Variants in DOK6 observed in about 807,000 individuals in gnomAD.
DOK6 encodes docking protein 6.
DOK6 carries 22 observed loss-of-function variants against 44.0 expected under a neutral mutation model. The ratio of observed to expected loss-of-function variants is 0.50; its 90% CI spans 0.36 to 0.71. DOK6 has a LOEUF of 0.71. DOK6 is among the 30% of genes least tolerant of loss of function. The pLI, the probability that DOK6 is intolerant of heterozygous loss-of-function variation, is 0.00. For missense variants in DOK6, 340 were observed against 416.4 expected (o/e 0.82, Z 1.60); for synonymous variants, 166 against 145.5 (o/e 1.14, Z -1.01).
intron 2 of DOK6, among the ~76,000 whole-genome samples, chr18:69,593,882 T>C (rs4891758): frequency 0.95 from 145,055 of 152,204 alleles, 69,507 homozygotes; most frequent in East Asian, 1. Flanking sequence ...CTTGTGTTTA[T>C]CTTTTTATGT....
In DOK6 at chr18:69,572,773, C is replaced by T. The variant is rs78699900; in HGVS notation, c.174+8179C>T. On this transcript the variant is annotated intron_variant, in intron 2 of 7. Coordinates refer to ENST00000382713, the MANE Select transcript of DOK6 (RefSeq NM_152721.6). ...TGAGCAAATGGTATTATGGCTAACA[C>T]CAACAAGAGATTAAGTAATATGAAA... Among the ~76,000 whole-genome samples, 63 of 151,918 alleles carry T rather than the reference C, an allele frequency of 4.1e-4. 1 individual carries two copies. In the East Asian group the frequency reaches 8.1e-3, roughly 20 times the overall value.
At chr18:69,533,891 T>G (rs755579793) in intron 1 of DOK6, among the ~76,000 whole-genome samples, 6 of 152,200 alleles carry the variant, frequency 3.9e-5, no homozygotes, top group Admixed American at 1.3e-4. Flanking sequence ...AAAGAAAAGC[T>G]TTTCCAATTC....
intron 1 of DOK6, among the ~76,000 whole-genome samples, chr18:69,517,486 A>G (rs1413041650): frequency 6.6e-6 from 1 of 152,180 alleles, no homozygotes; most frequent in Non-Finnish European, 1.5e-5. Context: ...ATTGAACTAT[A>G]TAGAGCCATG....
chr18:69,825,711 T>C (rs561000357), intron 7 of DOK6, among the ~76,000 whole-genome samples: 1 of 152,136 alleles, frequency 6.6e-6, no homozygotes, highest in African/African-American at 2.4e-5. Flanking sequence ...AAATGATTAT[T>C]ACTCATAAAA....
chr18:69,570,932 A>G (rs981689721), intron 2 of DOK6, among the ~76,000 whole-genome samples: 1 of 152,160 alleles, frequency 6.6e-6, no homozygotes, highest in Non-Finnish European at 1.5e-5. Context: ...TGAGTTCTTC[A>G]GGCAGATTAT....
At chr18:69,755,468 T>C (rs1236211000) in intron 6 of DOK6, among the ~76,000 whole-genome samples, 1 of 152,258 alleles carries the variant, frequency 6.6e-6, no homozygotes, top group Non-Finnish European at 1.5e-5. Flanking sequence ...CGGTGATTAA[T>C]ATGAGACTGA....
At chr18:69,783,354 A>G (rs1232059633) in intron 7 of DOK6, among the ~76,000 whole-genome samples, 1 of 152,234 alleles carries the variant, frequency 6.6e-6, no homozygotes, top group Non-Finnish European at 1.5e-5. Context: ...AAATAAATGT[A>G]TCTCATAATT....
At chr18:69,596,985 A>G (rs1983756404) in intron 2 of DOK6, among the ~76,000 whole-genome samples, 1 of 152,128 alleles carries the variant, frequency 6.6e-6, no homozygotes, top group South Asian at 2.1e-4. Flanking sequence ...AGATACAGAA[A>G]TTATAAAGAA....
chr18:69,604,959 A>G (rs1983959882), intron 3 of DOK6, among the ~76,000 whole-genome samples: 1 of 152,154 alleles, frequency 6.6e-6, no homozygotes, highest in Non-Finnish European at 1.5e-5. Flanking sequence ...CCCACTTTCT[A>G]AAGTTTAATG....
chr18:69,503,946 T>A (rs1481106953), intron 1 of DOK6, among the ~76,000 whole-genome samples: 1 of 152,034 alleles, frequency 6.6e-6, no homozygotes, highest in African/African-American at 2.4e-5. Flanking sequence ...ACTAAAGAAC[T>A]ACCTTTTGCA....
chr18:69,755,109 T>C (rs1979312027), intron 6 of DOK6, among the ~76,000 whole-genome samples: 1 of 152,064 alleles, frequency 6.6e-6, no homozygotes, highest in Non-Finnish European at 1.5e-5. Context: ...AAATAGAATA[T>C]CATTAAAAGC....
In DOK6 at chr18:69,409,930, G is replaced by A. The variant is rs567641069; in HGVS notation, c.66+8620G>A. Among the ~76,000 whole-genome samples the A allele has an allele frequency of 4.6e-5, 7 of 152,184 alleles. No homozygotes were observed. In the South Asian group the frequency reaches 6.2e-4, roughly 14 times the overall value. ...CATTTTCCAGAGTGTTTTAAAGACC[G>A]TAGGGTAGTTCTGTAGAAAGCATCC... On this transcript the variant is annotated intron_variant, in intron 1 of 7. Transcript: ENST00000382713.
At chr18:69,702,920 G>A (rs560692653) in intron 5 of DOK6, among the ~76,000 whole-genome samples, 4 of 152,140 alleles carry the variant, frequency 2.6e-5, no homozygotes, top group Non-Finnish European at 4.4e-5. Context: ...AGCAATTCAC[G>A]TTAAAGTATG....
At chr18:69,644,272 C>A (rs1246189034) in intron 3 of DOK6, among the ~76,000 whole-genome samples, 1 of 152,074 alleles carries the variant, frequency 6.6e-6, no homozygotes, top group African/African-American at 2.4e-5. Flanking sequence ...TGTATGAGGT[C>A]CAGTTTATTA....
intron 7 of DOK6, among the ~76,000 whole-genome samples, chr18:69,809,395 G>C (rs2145113760): frequency 6.6e-6 from 1 of 151,546 alleles, no homozygotes; most frequent in African/African-American, 2.4e-5. Context: ...TACAGAACAA[G>C]ACAAGGATGC....
At chr18:69,774,133 G>GATATATATATATATGAGATATATATAT (rs1979980198) in intron 7 of DOK6, among the ~76,000 whole-genome samples, 4 of 66,896 alleles carry the variant, frequency 6.0e-5, no homozygotes, top group African/African-American at 1.2e-4. Flanking sequence ...ATATATATGA[G>GATATATATATATATGAGATATATATAT]ATATATATAT....
At chr18:69,814,175 A>G (rs1981328159) in intron 7 of DOK6, among the ~76,000 whole-genome samples, 1 of 152,214 alleles carries the variant, frequency 6.6e-6, no homozygotes, top group Middle Eastern at 3.4e-3. Context: ...GAGAAAATCA[A>G]TAAAAGAAAA....
chr18:69,685,528 C>T (rs1986133578), intron 4 of DOK6, among the ~76,000 whole-genome samples: 1 of 152,188 alleles, frequency 6.6e-6, no homozygotes, highest in African/African-American at 2.4e-5. Flanking sequence ...TGTGCGTGAA[C>T]ATCTCCATCA....
chr18:69,788,886 T>C (rs763251749), intron 7 of DOK6, among the ~76,000 whole-genome samples: 2 of 152,186 alleles, frequency 1.3e-5, no homozygotes, highest in Non-Finnish European at 2.9e-5. Context: ...ATAATGGAAA[T>C]GTTTTCCCGT....
Sources: gnomAD v4.1 joint callset for allele counts (sites outside exome capture counted in the v4.1 genomes callset) on GRCh38, gnomAD v4.1.1 for gene constraint, MANE v1.5 for transcripts, NCBI Gene and HGNC (gene_info 2026-07-23, HGNC 2026-07-21) for gene names.